CNTN4: variants seen among roughly 807,000 people sequenced by gnomAD.
CNTN4 encodes the protein contactin 4.
Under a neutral mutation model 122.5 loss-of-function variants are expected in CNTN4, and 77 were observed. The observed-to-expected ratio is 0.63, with a 90% CI of 0.52 to 0.76. CNTN4 has a LOEUF of 0.76. Among genes scored for constraint, CNTN4 ranks in the 30% least tolerant of loss-of-function variants. The pLI is 0.00. For missense variants in CNTN4, 1,256 were observed against 1,259.1 expected (o/e 1.00, Z 0.04); for synonymous variants, 512 against 447.0 (o/e 1.15, Z -1.83).
At chr3:2,480,849 G>T (rs1241637166) in intron 3 of CNTN4, among the ~76,000 whole-genome samples, 1 of 152,166 alleles carries the variant, frequency 6.6e-6, no homozygotes, top group African/African-American at 2.4e-5. Context: ...TTCAAGAAAT[G>T]CTGTATAGCT....
intron 2 of CNTN4, among the ~76,000 whole-genome samples, chr3:2,325,542 A>G (rs1402258384): frequency 6.6e-6 from 1 of 152,006 alleles, no homozygotes; most frequent in South Asian, 2.1e-4. Context: ...GGCTTTTAGA[A>G]CTCCAACATT....
At chr3:3,014,204 T>C (rs1325788085) in intron 14 of CNTN4, among the ~76,000 whole-genome samples, 3 of 152,226 alleles carry the variant, frequency 2.0e-5, no homozygotes, top group South Asian at 4.1e-4. Flanking sequence ...CTTTCTGCCC[T>C]TAATCTCTTT....
chr3:2,882,234 G>A (rs943022536), intron 8 of CNTN4, among the ~76,000 whole-genome samples: 3 of 152,002 alleles, frequency 2.0e-5, no homozygotes, highest in Non-Finnish European at 4.4e-5. Flanking sequence ...GCATGGTGGT[G>A]CACAACTGTA....
At chr3:2,482,373 G>A (rs375921458) in intron 3 of CNTN4, among the ~76,000 whole-genome samples, 3 of 151,990 alleles carry the variant, frequency 2.0e-5, no homozygotes, top group African/African-American at 7.2e-5. Flanking sequence ...AGTAACAAAG[G>A]GTTCAAGAGA....
chr3:2,897,607 A>T (rs1179725496), intron 10 of CNTN4, among the ~76,000 whole-genome samples: 1 of 152,210 alleles, frequency 6.6e-6, no homozygotes, highest in Non-Finnish European at 1.5e-5. Context: ...TTTCGACCCA[A>T]GCCTAAACAT....
chr3:2,601,472 C>T (rs1193857248), intron 4 of CNTN4, among the ~76,000 whole-genome samples: 1 of 152,054 alleles, frequency 6.6e-6, no homozygotes, highest in Non-Finnish European at 1.5e-5. Context: ...TTTCCTCATT[C>T]CTTGTTTTTG....
intron 6 of CNTN4, among the ~76,000 whole-genome samples, chr3:2,757,388 G>A (rs1468560003): frequency 6.6e-6 from 1 of 152,104 alleles, no homozygotes; most frequent in East Asian, 1.9e-4. Flanking sequence ...CCGCTCTCTG[G>A]ACTTCTTCCG....
At chr3:2,429,583 G>A (rs1345248881) in intron 3 of CNTN4, among the ~76,000 whole-genome samples, 1 of 152,174 alleles carries the variant, frequency 6.6e-6, no homozygotes, top group African/African-American at 2.4e-5. Flanking sequence ...ACTCCGTGCT[G>A]GGAGAACCAC....
In CNTN4 at chr3:2,695,934, G is replaced by T. The variant is rs949392328; in HGVS notation, c.56-40281G>T. Among the ~76,000 whole-genome samples, 9 of 152,164 alleles carry T rather than the reference G, an allele frequency of 5.9e-5. No individual in the cohort carries two copies. The East Asian group carries it at 1.7e-3, about 29-fold the overall frequency. On this transcript the variant is annotated intron_variant, in intron 4 of 24. Coordinates refer to ENST00000418658, the MANE Select transcript of CNTN4 (RefSeq NM_175607.3). The stretch of plus-strand genomic sequence containing the variant: ...TCAGTATAGGGTGGTAGGGGTGGGG[G>T]TAATGACACTATAGTTACTTATGTG...
At chr3:2,589,926 G>T (rs1291774293) in intron 4 of CNTN4, among the ~76,000 whole-genome samples, 1 of 152,194 alleles carries the variant, frequency 6.6e-6, no homozygotes, top group Non-Finnish European at 1.5e-5. Context: ...AGAAGTCACA[G>T]TTGTCAGTTC....
intron 2 of CNTN4, among the ~76,000 whole-genome samples, chr3:2,115,746 A>G (rs1396285077): frequency 6.6e-6 from 1 of 152,202 alleles, no homozygotes; most frequent in East Asian, 1.9e-4. Flanking sequence ...CGCAGCTGCC[A>G]TGTTATTTCT....
At chr3:2,296,146 G>A (rs1265446589) in intron 2 of CNTN4, among the ~76,000 whole-genome samples, 1 of 152,126 alleles carries the variant, frequency 6.6e-6, no homozygotes, top group South Asian at 2.1e-4. Flanking sequence ...GCTTAGGATT[G>A]ACTTGGCGAT....
chr3:2,447,797 T>C (rs2048679530), intron 3 of CNTN4, among the ~76,000 whole-genome samples: 1 of 152,146 alleles, frequency 6.6e-6, no homozygotes, highest in Non-Finnish European at 1.5e-5. Flanking sequence ...ACTTCTTATG[T>C]GTTGGGTTCT....
intron 3 of CNTN4, among the ~76,000 whole-genome samples, chr3:2,547,582 G>T (rs1299237968): frequency 2.0e-5 from 3 of 152,006 alleles, no homozygotes; most frequent in Non-Finnish European, 2.9e-5. Context: ...AATTTTTAAT[G>T]AATTTAATGG....
chr3:2,906,030 A>G (rs1263604946), intron 12 of CNTN4, among the ~76,000 whole-genome samples: 1 of 152,252 alleles, frequency 6.6e-6, no homozygotes, highest in African/African-American at 2.4e-5. Flanking sequence ...AAATCCTGTC[A>G]TTTGTGACAA....
At chr3:3,030,781 C>T (rs181449402) in intron 15 of CNTN4, 74 bp from the exon 16 acceptor site, 9 of 1,509,562 alleles carry the variant, frequency 6.0e-6, no homozygotes, top group East Asian at 4.5e-5. Flanking sequence ...CATTAGTCAC[C>T]GTGTCCTTCA....
intron 4 of CNTN4, among the ~76,000 whole-genome samples, chr3:2,666,789 T>G (rs2084193797): frequency 7.8e-6 from 1 of 128,570 alleles, no homozygotes; most frequent in Non-Finnish European, 1.6e-5. Context: ...TTCCCTTTCC[T>G]GTGTCCATGT....
At chr3:2,264,752 G>A (rs189940310) in intron 2 of CNTN4, among the ~76,000 whole-genome samples, 12 of 151,852 alleles carry the variant, frequency 7.9e-5, no homozygotes, top group African/African-American at 2.9e-4. Flanking sequence ...CATAGTTTCA[G>A]GTCTTACATT....
chr3:2,794,559 TGGGTTCTAACCCTGGCTGTACCTCAAATA>T (rs2092111173), intron 6 of CNTN4, among the ~76,000 whole-genome samples: 3 of 152,282 alleles, frequency 2.0e-5, no homozygotes, highest in Admixed American at 2.0e-4. Context: ...AGTATCGACT[TGGGTTCTAACCCTGGCTGTACCTCAAATA>T]GGGCATGTTA....
Sources: allele counts gnomAD v4.1 joint callset (sites outside exome capture counted in the v4.1 genomes callset), GRCh38; gene constraint gnomAD v4.1.1; transcripts MANE v1.5; gene names NCBI Gene and HGNC (gene_info 2026-07-23, HGNC 2026-07-21).